The following ANO10 variants were observed in gnomAD, a reference collection of about 807,000 sequenced individuals.
ANO10 encodes anoctamin 10.
In ANO10, 77 loss-of-function variants were observed where a neutral mutation model predicts 74.7. The observed-to-expected ratio is 1.03, with a 90% CI of 0.86 to 1.25. ANO10 has a LOEUF of 1.25. ANO10 is among the 50% of genes most tolerant of loss of function. The pLI, the probability that ANO10 is intolerant of heterozygous loss-of-function variation, is 0.00. For missense variants in ANO10, 721 were observed against 778.1 expected (o/e 0.93, Z 0.87); for synonymous variants, 279 against 284.9 (o/e 0.98, Z 0.21).
intron 4 of ANO10, among the ~76,000 whole-genome samples, chr3:43,581,782 G>A (rs1377998936): frequency 1.1e-4 from 10 of 89,006 alleles, no homozygotes; most frequent in African/African-American, 2.3e-4. Flanking sequence ...TTAGCTGAGC[G>A]TGGTGGTGAG....
intron 7 of ANO10, among the ~76,000 whole-genome samples, chr3:43,568,932 C>A (rs1029015172): frequency 2.0e-5 from 3 of 148,010 alleles, no homozygotes; most frequent in Admixed American, 1.3e-4. Flanking sequence ...AATTGATAGA[C>A]CGCTAGCAAG....
intron 1 of ANO10, among the ~76,000 whole-genome samples, chr3:43,677,040 A>C (rs1261081236): frequency 1.3e-5 from 2 of 152,198 alleles, no homozygotes; most frequent in Non-Finnish European, 2.9e-5. Context: ...AGGCACTACC[A>C]TGTTCATCAC....
rs369956438 is a variant in ANO10, at chr3:43,523,971, T to C, written c.1797+25749A>G. On this transcript the variant is annotated intron_variant, in intron 11 of 12. Transcript: ENST00000292246. The stretch of plus-strand genomic sequence containing the variant: ...GGGGCTACAGTGGAGGTGGAAGTCA[T>C]GGGGTAAACAAGCTCACCCAGGGGC... Among the ~76,000 whole-genome samples the C allele has an allele frequency of 1.2e-3, 181 of 152,054 alleles. 1 individual carries two copies. The highest frequency in any genetic ancestry group is 4.3e-3 in the African/African-American group (179 of 41,452).
intron 11 of ANO10, among the ~76,000 whole-genome samples, chr3:43,547,906 T>C (rs146276709): frequency 6.6e-6 from 1 of 152,322 alleles, no homozygotes; most frequent in East Asian, 1.9e-4. Flanking sequence ...TGTAATGAGC[T>C]CATCCAGCAT....
chr3:43,455,844 T>C (rs1384630585), intron 11 of ANO10, among the ~76,000 whole-genome samples: 1 of 151,908 alleles, frequency 6.6e-6, no homozygotes, highest in Admixed American at 6.6e-5. Context: ...TAAAGATATA[T>C]AAAAATAAAT....
intron 1 of ANO10, chr3:43,691,065 G>A (rs774197449): frequency 6.5e-7 from 1 of 1,530,448 alleles, no homozygotes; most frequent in Non-Finnish European, 8.8e-7. Flanking sequence ...AGGGGGCTTC[G>A]TGTGTCTCCG....
upstream of ANO10, among the ~76,000 whole-genome samples, chr3:43,625,267 T>G (rs183760182): frequency 1.6e-4 from 24 of 152,366 alleles, no homozygotes; most frequent in Admixed American, 3.3e-4. Context: ...CCGGCTTCTC[T>G]CGGACATTTT....
intron 9 of ANO10, among the ~76,000 whole-genome samples, chr3:43,560,302 C>T (rs182701932): frequency 6.6e-6 from 1 of 152,292 alleles, no homozygotes; most frequent in East Asian, 1.9e-4. Context: ...GGCTTGGAGG[C>T]TCAGTGGGGG....
At chr3:43,464,704 A>T (rs1459862365) in intron 11 of ANO10, among the ~76,000 whole-genome samples, 1 of 152,186 alleles carries the variant, frequency 6.6e-6, no homozygotes, top group Non-Finnish European at 1.5e-5. Context: ...TTGGTTTTAC[A>T]TTAGAAAGTT....
chr3:43,493,893 A>C (rs914458129), intron 11 of ANO10, among the ~76,000 whole-genome samples: 19 of 151,900 alleles, frequency 1.3e-4, no homozygotes, highest in Admixed American at 1.2e-3. Context: ...ATACCACCAC[A>C]CTAGGCTAAT....
At chr3:43,371,239 A>G (rs971740612) in intron 12 of ANO10, among the ~76,000 whole-genome samples, 1 of 152,104 alleles carries the variant, frequency 6.6e-6, no homozygotes, top group Admixed American at 6.6e-5. Context: ...AGAAAATCCC[A>G]TGCGTCATCA....
intron 11 of ANO10, among the ~76,000 whole-genome samples, chr3:43,496,918 T>G (rs1312328295): frequency 1.3e-5 from 2 of 152,200 alleles, no homozygotes; most frequent in Non-Finnish European, 2.9e-5. Flanking sequence ...CTGTTCCTGA[T>G]GATGCACAGT....
rs1043483161 is a variant in ANO10 at position 43,372,655 on chromosome 3, G to A, written c.1915-5681C>T. On this transcript the variant is annotated intron_variant, in intron 12 of 12. Coordinates refer to ENST00000292246, the MANE Select transcript of ANO10 (RefSeq NM_018075.5). Reference sequence around the variant, plus strand: ...ATCCCATCCCTCTATTTCAATTGCTGCACTCCTCGCATTACCATCTGGTTT... The same window carrying A: ...ATCCCATCCCTCTATTTCAATTGCTACACTCCTCGCATTACCATCTGGTTT... 7 of 541,962 alleles carry A rather than the reference G, an allele frequency of 1.3e-5. No individual in the cohort carries two copies. The South Asian group carries it at 1.6e-4, about 12-fold the overall frequency. The allele number at this position is 541,962 out of a possible 1,614,324, so 33.6% of individuals were successfully genotyped here.
At chr3:43,587,459 C>T (rs2081531208) in intron 4 of ANO10, among the ~76,000 whole-genome samples, 1 of 152,174 alleles carries the variant, frequency 6.6e-6, no homozygotes, top group Non-Finnish European at 1.5e-5. Flanking sequence ...CATCACCCTC[C>T]TTCAGGAGAA....
intron 11 of ANO10, among the ~76,000 whole-genome samples, chr3:43,467,792 ATCCT>A (rs1288858343): frequency 2.0e-5 from 3 of 152,256 alleles, no homozygotes; most frequent in African/African-American, 4.8e-5. Flanking sequence ...TAATGCAGTG[ATCCT>A]TCCTTAACTC....
At chr3:43,449,626 G>A (rs2074762656) in intron 11 of ANO10, among the ~76,000 whole-genome samples, 1 of 148,616 alleles carries the variant, frequency 6.7e-6, no homozygotes, top group Non-Finnish European at 1.5e-5. Context: ...ATCTATTTTG[G>A]GGCTGTTTTG....
intron 11 of ANO10, among the ~76,000 whole-genome samples, chr3:43,466,398 A>C (rs2075626984): frequency 6.6e-6 from 1 of 150,386 alleles, no homozygotes. Context: ...CAAACAAAAA[A>C]ACCAGTAATC....
intron 11 of ANO10, among the ~76,000 whole-genome samples, chr3:43,497,475 GT>G (rs1273358240): frequency 2.0e-5 from 3 of 152,172 alleles, no homozygotes; most frequent in Non-Finnish European, 4.4e-5. Flanking sequence ...TTTCTGCTCT[GT>G]TTTTCCTGAT....
intron 1 of ANO10, among the ~76,000 whole-genome samples, chr3:43,689,799 C>A (rs947293754): frequency 3.9e-5 from 6 of 152,142 alleles, no homozygotes; most frequent in Admixed American, 6.5e-5. Flanking sequence ...GAACAATGAA[C>A]TGAGTCTAAA....
Sources: allele counts gnomAD v4.1 joint callset (sites outside exome capture counted in the v4.1 genomes callset), GRCh38; gene constraint gnomAD v4.1.1; transcripts MANE v1.5; gene names NCBI Gene and HGNC (gene_info 2026-07-23, HGNC 2026-07-21).